The following GASK1B variants were observed in gnomAD, a reference collection of about 807,000 sequenced individuals.
The protein encoded by GASK1B is golgi associated kinase 1B, also known as Golgi-associated kinase 1B.
GASK1B carries 34 observed loss-of-function variants against 42.8 expected under a neutral mutation model. The ratio of observed to expected loss-of-function variants is 0.79; its 90% CI spans 0.60 to 1.06. The LOEUF is 1.06. Ranked by LOEUF, GASK1B falls within the 50% of genes least tolerant of loss-of-function variation. The probability of loss-of-function intolerance (pLI) is 0.00; values close to 1 mark genes in which losing one functional copy is unlikely to be tolerated. For synonymous variants in GASK1B, 262 were observed against 259.1 expected, an observed-to-expected ratio of 1.01 and a Z score of -0.11; for missense variants, 686 against 661.0, an observed-to-expected ratio of 1.04 and a Z score of -0.42.
Position 158,151,869 on chromosome 4 carries a change from T to A in GASK1B, c.1125+3742A>T, listed in dbSNP as rs1279257855. Among the ~76,000 whole-genome samples the A allele has an allele frequency of 2.0e-5, 3 of 152,316 alleles. 1 individual carries two copies. In the South Asian group the frequency reaches 6.2e-4, roughly 32 times the overall value. ...ATGCAAAGTATTGTTCCTGAGTGTGTCTGTGAGGGTGTTGCCAAAGAGATT... is the reference window on the plus strand; with the variant it reads ...ATGCAAAGTATTGTTCCTGAGTGTGACTGTGAGGGTGTTGCCAAAGAGATT... On this transcript the variant is annotated intron_variant, in intron 3 of 4. Transcript: ENST00000585682.
At chr4:158,132,290 A>T (rs1484652188) in intron 3 of GASK1B, among the ~76,000 whole-genome samples, 2 of 152,146 alleles carry the variant, frequency 1.3e-5, no homozygotes, top group African/African-American at 2.4e-5. Flanking sequence ...TCTTTTTCTC[A>T]TCCTCCTGTG....
chr4:158,157,992 CCTTT>C (rs1731821075), intron 2 of GASK1B, among the ~76,000 whole-genome samples: 2 of 151,890 alleles, frequency 1.3e-5, no homozygotes, highest in Non-Finnish European at 2.9e-5. Context: ...TTTTTCTATC[CCTTT>C]CTTTCTCATC....
chr4:158,142,440 G>A (rs187934405), intron 3 of GASK1B, among the ~76,000 whole-genome samples: 6 of 152,298 alleles, frequency 3.9e-5, no homozygotes, highest in African/African-American at 1.4e-4. Flanking sequence ...TGGCAGACAA[G>A]ATTGGAAAGT....
chr4:158,133,397 A>G (rs777775491), intron 3 of GASK1B, among the ~76,000 whole-genome samples: 44 of 152,174 alleles, frequency 2.9e-4, no homozygotes, highest in Non-Finnish European at 5.4e-4. Context: ...GCTACCAAAC[A>G]TTTCTTAAAT....
rs545967925 is a variant in GASK1B at position 158,145,840 on chromosome 4, C to T, written c.1125+9771G>A. Among the ~76,000 whole-genome samples, 173 of 152,252 alleles carry T rather than the reference C, an allele frequency of 1.1e-3. 1 individual carries two copies. The highest frequency in any genetic ancestry group is 7.7e-3 in the South Asian group (37 of 4,828). On this transcript the variant is annotated intron_variant, in intron 3 of 4. Coordinates refer to ENST00000585682, the MANE Select transcript of GASK1B (RefSeq NM_001128424.2). The stretch of plus-strand genomic sequence containing the variant: ...ATCAAGTGAAAAGAAATACATGCAG[C>T]CTTTTTTTGACAGTAGAAAAAGATA...
chr4:158,137,374 T>C (rs185214333), intron 3 of GASK1B, among the ~76,000 whole-genome samples: 1 of 152,114 alleles, frequency 6.6e-6, no homozygotes, highest in African/African-American at 2.4e-5. Flanking sequence ...TTTTCAACAA[T>C]TATTTTAATT....
chr4:158,169,441 T>C (rs894089961), intron 2 of GASK1B: 1 of 152,190 alleles, frequency 6.6e-6, no homozygotes, highest in African/African-American at 2.4e-5. Context: ...GCTAAAGCCA[T>C]TGGAAATGCA....
At chr4:158,161,577 C>T (rs1732009382) in intron 2 of GASK1B, among the ~76,000 whole-genome samples, 1 of 152,186 alleles carries the variant, frequency 6.6e-6, no homozygotes, top group Non-Finnish European at 1.5e-5. Context: ...GACAAATGGG[C>T]AGGAACTTCT....
At chr4:158,168,566 A>T (rs1732319937) in intron 2 of GASK1B, 1 of 152,142 alleles carries the variant, frequency 6.6e-6, no homozygotes, top group African/African-American at 2.4e-5. Flanking sequence ...ACTAACAACA[A>T]TCTCATATGG....
intron 3 of GASK1B, among the ~76,000 whole-genome samples, chr4:158,150,538 G>A (rs1340920725): frequency 2.6e-5 from 4 of 152,114 alleles, no homozygotes; most frequent in African/African-American, 9.7e-5. Flanking sequence ...CTCTGACCCA[G>A]GAGTCTCATA....
chr4:158,130,669 C>T, intron 4 of GASK1B, 117 bp downstream of exon 4: 1 of 823,286 alleles, frequency 1.2e-6, no homozygotes, highest in Non-Finnish European at 1.9e-6. Context: ...CCAGATTCCA[C>T]ATTCACAATT....
At position 158,170,770 on chromosome 4, in the gene GASK1B, C is replaced by A. The variant is rs570559953; in HGVS notation, c.606G>T (p.Glu202Asp). 2 of 1,614,124 alleles carry A rather than the reference C, an allele frequency of 1.2e-6. No homozygotes were observed. The highest frequency in any genetic ancestry group is 2.7e-5 in the African/African-American group (2 of 74,950). The change falls in exon 2 of 5, where the codon GAG (glutamate) becomes GAT (aspartate). Residue 202 changes from glutamate to aspartate, a missense_variant. Physicochemically the swap from Glu to Asp is conservative, Grantham distance 45. Transcript: ENST00000585682. The part of the protein sequence containing the change: ...GPDFLQPSSR[E>D]SNIRIYSESA... The stretch of plus-strand genomic sequence containing the variant: ...TCTCGCTGTAGATCCTAATGTTGCT[C>A]TCCCTGGAGCTGGGCTGCAGGAAGT...
intron 3 of GASK1B, among the ~76,000 whole-genome samples, chr4:158,140,564 C>G (rs938251563): frequency 4.6e-5 from 7 of 152,160 alleles, no homozygotes; most frequent in African/African-American, 1.7e-4. Flanking sequence ...TTTTCCAAAA[C>G]TGTTATATTT....
At chr4:158,127,993 G>A (rs1274511957) in intron 4 of GASK1B, among the ~76,000 whole-genome samples, 1 of 152,174 alleles carries the variant, frequency 6.6e-6, no homozygotes, top group African/African-American at 2.4e-5. Flanking sequence ...ATCCTCAGAT[G>A]TGTCAAGGTG....
intron 3 of GASK1B, among the ~76,000 whole-genome samples, chr4:158,146,378 A>C (rs115551834): frequency 3.8e-4 from 58 of 152,208 alleles, no homozygotes; most frequent in Non-Finnish European, 5.9e-4. Flanking sequence ...AATAAATAAA[A>C]ATAATGATAA....
intron 3 of GASK1B, among the ~76,000 whole-genome samples, chr4:158,133,197 A>G (rs753285954): frequency 2.0e-5 from 3 of 152,262 alleles, no homozygotes; most frequent in African/African-American, 4.8e-5. Flanking sequence ...TTCCCACTCA[A>G]TCACCCCTTT....
chr4:158,159,693 A>C (rs2111002112), intron 2 of GASK1B: 1 of 168,502 alleles, frequency 5.9e-6, no homozygotes, highest in East Asian at 1.7e-4. Flanking sequence ...AAGGTTATAT[A>C]GCTGTCCTAA....
rs1730444466 is a variant in GASK1B, at chr4:158,126,133, G to A, written c.*1274C>T. 6.6e-6 allele frequency: 1 copy of A among 152,124 alleles called. No individual in the cohort carries two copies. The highest frequency in any genetic ancestry group is 2.1e-4 in the South Asian group (1 of 4,826). 9.4% of individuals were successfully genotyped at this position (152,124 alleles called of 1,614,324 possible). ...TAAATAAGGAGTAGGATGTGTAAGG[G>A]CAGGAAGGTAATGGTAATCTATTCT... On this transcript the variant is annotated 3_prime_UTR_variant, in exon 5 of 5. Transcript: ENST00000585682.
chr4:158,156,557 A>G (rs1222558359), intron 2 of GASK1B, among the ~76,000 whole-genome samples: 1 of 152,166 alleles, frequency 6.6e-6, no homozygotes, highest in Non-Finnish European at 1.5e-5. Flanking sequence ...AAGTTTAGAA[A>G]TGTAATTTCT....
Sources: allele counts gnomAD v4.1 joint callset (sites outside exome capture counted in the v4.1 genomes callset), GRCh38; gene constraint gnomAD v4.1.1; transcripts MANE v1.5; gene names NCBI Gene and HGNC (gene_info 2026-07-23, HGNC 2026-07-21).